KCNB2: variants seen among roughly 807,000 people sequenced by gnomAD.
KCNB2 encodes the protein potassium voltage-gated channel subfamily B member 2, also known as delayed rectifier potassium channel protein.
Under a neutral mutation model 61.5 loss-of-function variants are expected in KCNB2, and 15 were observed. The observed-to-expected ratio is 0.24, with a 90% CI of 0.16 to 0.38. The LOEUF (loss-of-function observed/expected upper bound fraction) is 0.38, where lower values mean the gene tolerates loss of function less well. Ranked by LOEUF, KCNB2 falls within the 10% of genes least tolerant of loss-of-function variation. The pLI, the probability that KCNB2 is intolerant of heterozygous loss-of-function variation, is 1.00. For missense variants in KCNB2, 828 were observed against 1,125.2 expected, an observed-to-expected ratio of 0.74 and a Z score of 3.78; for synonymous variants, 457 against 446.0, an observed-to-expected ratio of 1.02 and a Z score of -0.31.
intron 2 of KCNB2, among the ~76,000 whole-genome samples, chr8:72,693,285 C>A (rs1806967623): frequency 1.3e-5 from 2 of 152,164 alleles, no homozygotes; most frequent in Admixed American, 6.5e-5. Context: ...TTTTCTTACC[C>A]CAGTTTGTCT....
At chr8:72,837,477 A>T (rs1809801062) in intron 2 of KCNB2, among the ~76,000 whole-genome samples, 2 of 152,224 alleles carry the variant, frequency 1.3e-5, no homozygotes, top group Non-Finnish European at 2.9e-5. Flanking sequence ...ATAGACAGGC[A>T]CCATCCTTAG....
Position 72,568,376 on chromosome 8 carries a change from A to G in KCNB2, c.579+63A>G, listed in dbSNP as rs1585756605. 158 of 1,378,148 alleles carry G rather than the reference A, an allele frequency of 1.1e-4. 4 individuals are homozygous for G. The South Asian group carries it at 2.1e-3, about 18-fold the overall frequency. 85.4% of individuals were successfully genotyped at this position (1,378,148 alleles called of 1,614,324 possible). On this transcript the variant is annotated intron_variant, in intron 2 of 2. Coordinates refer to ENST00000523207, the MANE Select transcript of KCNB2 (RefSeq NM_004770.3). ...AGAAAAGATGCTACCTACGTTCTAG[A>G]GAGTATAAGTTTTTTTACTGTTTTG...
intron 2 of KCNB2, among the ~76,000 whole-genome samples, chr8:72,882,972 T>C (rs1429260157): frequency 6.6e-6 from 1 of 152,088 alleles, no homozygotes; most frequent in Non-Finnish European, 1.5e-5. Context: ...TTATCTGCCT[T>C]CTCCAGGCCC....
chr8:72,566,534 TAA>T lies in KCNB2; in HGVS notation c.-93-1094_-93-1093del, dbSNP rs35033564. Among the ~76,000 whole-genome samples the T allele has an allele frequency of 5.6e-3, 803 of 144,654 alleles. 2 individuals are homozygous for T. Among genetic ancestry groups the T allele is most frequent in the African/African-American group, 8.7e-3 (341 of 39,338 alleles). The allele number at this position is 144,654 out of a possible 152,430, so 94.9% of individuals were successfully genotyped here. The stretch of plus-strand genomic sequence containing the variant: ...GGGAAATATAGTGAGACCCTGTCTC[TAA>T]AAAAAAAAAAAAATACAAAAATTAG... On this transcript the variant is annotated intron_variant, in intron 1 of 2. Transcript: ENST00000523207.
chr8:72,937,466 T>C lies in KCNB2; in HGVS notation c.2111T>C (p.Leu704Pro). 1 of 1,613,726 alleles carries C rather than the reference T, an allele frequency of 6.2e-7. No individual in the cohort carries two copies. The highest frequency in any genetic ancestry group is 8.5e-7 in the Non-Finnish European group (1 of 1,179,938). Residue 704 changes from leucine to proline, a missense_variant, in exon 3 of 3, where the codon CTA becomes CCA. By Grantham distance (98) the Leu-to-Pro change is moderately conservative. Coordinates refer to ENST00000523207, the MANE Select transcript of KCNB2 (RefSeq NM_004770.3). ...GCCACCGACAGTCCTAAGAGCTCTC[T>C]AAAAGGCAGCAACCCACTAAAGTCC... is the stretch of plus-strand genomic sequence containing the variant. ...DNATDSPKSS[L>P]KGSNPLKSRS...
rs543394240 is a variant in KCNB2 at position 72,717,419 on chromosome 8, A to G, written c.579+149106A>G. On this transcript the variant is annotated intron_variant, in intron 2 of 2. Coordinates refer to ENST00000523207, the MANE Select transcript of KCNB2 (RefSeq NM_004770.3). ...ACTACCTGACTTCAAACTATACTAC[A>G]AGGCTACAGTAACCAAAACAGCATG... 9.1e-3 allele frequency among the ~76,000 whole-genome samples: 1,372 copies of G among 151,490 alleles called. 19 individuals carry two copies. Among genetic ancestry groups the G allele is most frequent in the African/African-American group, 0.032 (1,305 of 40,940 alleles).
At chr8:72,702,191 T>G (rs1198950599) in intron 2 of KCNB2, among the ~76,000 whole-genome samples, 1 of 152,154 alleles carries the variant, frequency 6.6e-6, no homozygotes, top group African/African-American at 2.4e-5. Flanking sequence ...AAAACATAAA[T>G]TAACTTTCCT....
intron 2 of KCNB2, among the ~76,000 whole-genome samples, chr8:72,584,893 C>CCCCATCTCT (rs1290208507): frequency 2.0e-5 from 3 of 152,272 alleles, no homozygotes; most frequent in East Asian, 3.9e-4. Context: ...CTTTCTCTCT[C>CCCCATCTCT]CCCATCTCTC....
chr8:72,822,450 A>G (rs1338253329), intron 2 of KCNB2, among the ~76,000 whole-genome samples: 3 of 152,236 alleles, frequency 2.0e-5, no homozygotes, highest in African/African-American at 7.2e-5. Flanking sequence ...CACAGGCTCT[A>G]CGCTTAAGTG....
chr8:72,668,213 T>A (rs999134366), intron 2 of KCNB2, among the ~76,000 whole-genome samples: 3 of 152,204 alleles, frequency 2.0e-5, no homozygotes, highest in African/African-American at 7.2e-5. Flanking sequence ...CCAGGGAAGC[T>A]GCCCTGAGCC....
intron 1 of KCNB2, among the ~76,000 whole-genome samples, chr8:72,539,267 G>A (rs1220861286): frequency 6.6e-6 from 1 of 152,058 alleles, no homozygotes; most frequent in Non-Finnish European, 1.5e-5. Context: ...TTAATTTAAG[G>A]GCATGGATAA....
At chr8:72,855,060 C>T (rs919794266) in intron 2 of KCNB2, among the ~76,000 whole-genome samples, 1 of 152,174 alleles carries the variant, frequency 6.6e-6, no homozygotes, top group African/African-American at 2.4e-5. Flanking sequence ...CTCTGTCCTC[C>T]ACACACCTGC....
chr8:72,936,364 T>C lies in KCNB2; in HGVS notation c.1009T>C (p.Leu337=). The C allele has an allele frequency of 1.2e-6, 2 of 1,614,248 alleles. No individual in the cohort carries two copies. The highest frequency in any genetic ancestry group is 2.2e-5 in the South Asian group (2 of 91,092). Residue 337 remains leucine, a synonymous_variant, in exon 3 of 3, where the codon TTG becomes CTG. Transcript: ENST00000523207. This position sits in a 1 kb window ranked among gnomAD's most constrained non-coding sequence, Gnocchi z 5.6. ...TLRRSYNELG[L]LILFLAMGIM... ...TAGGCGGAGTTACAATGAATTGGGCTTGTTGATATTGTTTCTGGCCATGGG... is the reference window on the plus strand; with the variant it reads ...TAGGCGGAGTTACAATGAATTGGGCCTGTTGATATTGTTTCTGGCCATGGG...
chr8:72,567,215 G>A (rs1456714195), intron 1 of KCNB2, among the ~76,000 whole-genome samples: 3 of 152,066 alleles, frequency 2.0e-5, no homozygotes, highest in African/African-American at 7.2e-5. Flanking sequence ...GGGAGGCTGA[G>A]GTGGGAGGAT....
chr8:72,936,576 G>C lies in KCNB2; in HGVS notation c.1221G>C (p.Leu407=). Residue 407 remains leucine, a synonymous_variant, in exon 3 of 3, where the codon CTG becomes CTC. Coordinates refer to ENST00000523207, the MANE Select transcript of KCNB2 (RefSeq NM_004770.3). This position sits in a 1 kb window ranked among gnomAD's most constrained non-coding sequence, Gnocchi z 5.6. ...VGGLCCIAGV[L]VIALPIPIIV... ...GTCTGTGCTGTATTGCTGGGGTTCT[G>C]GTTATTGCCCTTCCTATCCCAATTA... 2.5e-6 allele frequency: 4 copies of C among 1,614,170 alleles called. No homozygotes were observed. Among genetic ancestry groups the C allele is most frequent in the Non-Finnish European group, 3.4e-6 (4 of 1,180,030 alleles).
chr8:72,600,229 G>A (rs1350957503), intron 2 of KCNB2, among the ~76,000 whole-genome samples: 22 of 152,150 alleles, frequency 1.4e-4, no homozygotes, highest in Admixed American at 2.6e-4. Context: ...TTAAGAAAAT[G>A]TGGCACATAT....
chr8:72,576,126 A>G (rs895404179), intron 2 of KCNB2, among the ~76,000 whole-genome samples: 4 of 152,248 alleles, frequency 2.6e-5, no homozygotes, highest in African/African-American at 4.8e-5. Context: ...CTGCTAAAGT[A>G]CAATTCATGA....
In KCNB2 at chr8:72,660,295, G is replaced by T. The variant is rs552424830; in HGVS notation, c.579+91982G>T. 2.0e-5 allele frequency among the ~76,000 whole-genome samples: 3 copies of T among 152,116 alleles called. No individual in the cohort carries two copies. In the East Asian group the frequency reaches 5.8e-4, roughly 29 times the overall value. ...AGTGTCTGCCAGCGCATGGAGCCCC[G>T]GGAAGTGCTTTGGAGTGCCCTTGCA... is the stretch of plus-strand genomic sequence containing the variant. On this transcript the variant is annotated intron_variant, in intron 2 of 2. Coordinates refer to ENST00000523207, the MANE Select transcript of KCNB2 (RefSeq NM_004770.3).
intron 2 of KCNB2, among the ~76,000 whole-genome samples, chr8:72,590,004 A>T (rs1807069239): frequency 6.6e-6 from 1 of 152,170 alleles, no homozygotes; most frequent in South Asian, 2.1e-4. Flanking sequence ...TTTACAGTGT[A>T]TGTGTAGATT....
Sources: gnomAD v4.1 joint callset for allele counts (sites outside exome capture counted in the v4.1 genomes callset) on GRCh38, gnomAD v4.1.1 for gene constraint, Gnocchi (gnomAD v3.1) non-coding constraint, MANE v1.5 for transcripts, NCBI Gene and HGNC (gene_info 2026-07-23, HGNC 2026-07-21) for gene names.